PTPRD: variants seen among roughly 807,000 people sequenced by gnomAD.
The protein encoded by PTPRD is receptor-type tyrosine-protein phosphatase delta.
A neutral mutation model predicts 214.5 loss-of-function variants in PTPRD; 34 were observed. The observed-to-expected ratio is 0.16, with a 90% CI of 0.12 to 0.21. PTPRD has a LOEUF of 0.21. PTPRD is among the 10% of genes least tolerant of loss of function. PTPRD has a pLI of 1.00. For synonymous variants in PTPRD, 1,128 were observed against 845.7 expected (o/e 1.33, Z -5.79); for missense variants, 2,545 against 2,398.7 (o/e 1.06, Z -1.27).
At chr9:8,657,898 T>C (rs1414379225) in intron 12 of PTPRD, among the ~76,000 whole-genome samples, 1 of 152,224 alleles carries the variant, frequency 6.6e-6, no homozygotes, top group African/African-American at 2.4e-5. Context: ...AATTATTTCT[T>C]ATAATAATGT....
intron 10 of PTPRD, among the ~76,000 whole-genome samples, chr9:9,055,695 T>G (rs1485868016): frequency 7.9e-5 from 12 of 151,820 alleles, no homozygotes; most frequent in East Asian, 5.8e-4. Flanking sequence ...GAGAAATTTG[T>G]GCATATGTAC....
chr9:10,009,396 G>A (rs1482460289), intron 4 of PTPRD, among the ~76,000 whole-genome samples: 1 of 151,938 alleles, frequency 6.6e-6, no homozygotes, highest in Non-Finnish European at 1.5e-5. Context: ...CACGGGTTCG[G>A]TCCAGAAAGC....
rs556434186 is a variant in PTPRD at position 8,559,026 on chromosome 9, A to G, written c.353-30247T>C. On this transcript the variant is annotated intron_variant, in intron 14 of 45. Coordinates refer to ENST00000381196, the MANE Select transcript of PTPRD (RefSeq NM_002839.4). ...CTGAATGCCTGGCCTACATTTACAT[A>G]GTCTAATAGCTAACTGAAGTTTTAC... 5.3e-5 allele frequency among the ~76,000 whole-genome samples: 8 copies of G among 152,230 alleles called. No individual in the cohort carries two copies. In the South Asian group the frequency reaches 1.4e-3, roughly 28 times the overall value.
chr9:9,313,039 C>T (rs1443927198), intron 9 of PTPRD, among the ~76,000 whole-genome samples: 2 of 152,084 alleles, frequency 1.3e-5, no homozygotes, highest in African/African-American at 4.8e-5. Flanking sequence ...GTATATATAG[C>T]TCACATTTAT....
At chr9:9,204,421 AG>A (rs1388542972) in intron 9 of PTPRD, among the ~76,000 whole-genome samples, 4 of 152,196 alleles carry the variant, frequency 2.6e-5, no homozygotes, top group African/African-American at 9.6e-5. Context: ...AAGGAGACCA[AG>A]TCAGCTAGTT....
intron 33 of PTPRD, chr9:8,454,587 G>A (rs756667417): frequency 2.5e-5 from 40 of 1,612,838 alleles, no homozygotes; most frequent in Non-Finnish European, 3.2e-5. Flanking sequence ...CACCTGTCGG[G>A]TTTACTGCTC....
At chr9:9,200,717 G>T (rs550791855) in intron 9 of PTPRD, among the ~76,000 whole-genome samples, 1 of 152,312 alleles carries the variant, frequency 6.6e-6, no homozygotes, top group South Asian at 2.1e-4. Context: ...GATTCCTTAA[G>T]AGGTATCAAG....
chr9:8,911,961 C>T lies in PTPRD; in HGVS notation c.-104+106736G>A, dbSNP rs191614068. Among the ~76,000 whole-genome samples the T allele has an allele frequency of 3.3e-5, 5 of 152,212 alleles. No homozygotes were observed. In the East Asian group the frequency reaches 9.7e-4, roughly 29 times the overall value. On this transcript the variant is annotated intron_variant, in intron 11 of 45. Coordinates refer to ENST00000381196, the MANE Select transcript of PTPRD (RefSeq NM_002839.4). ...CATTAAAACTGCAATGCGATACAAC[C>T]CTAGTCCCACTAGAATGACTATATT...
chr9:9,899,423 A>G (rs1365456482), intron 5 of PTPRD, among the ~76,000 whole-genome samples: 1 of 152,152 alleles, frequency 6.6e-6, no homozygotes, highest in East Asian at 1.9e-4. Flanking sequence ...TAAGGAAGAC[A>G]TACAAATGGC....
chr9:9,607,002 A>G (rs2094202989), intron 7 of PTPRD, among the ~76,000 whole-genome samples: 1 of 131,386 alleles, frequency 7.6e-6, no homozygotes. Context: ...AAAAAAAAAA[A>G]AAAGTGTTTC....
At chr9:8,520,922 T>TG (rs892565380) in intron 20 of PTPRD, among the ~76,000 whole-genome samples, 1 of 152,120 alleles carries the variant, frequency 6.6e-6, no homozygotes, top group Non-Finnish European at 1.5e-5. Context: ...TGACTTTTCT[T>TG]GGGGTTCTTA....
intron 5 of PTPRD, among the ~76,000 whole-genome samples, chr9:9,842,674 T>G (rs2058620424): frequency 6.6e-6 from 1 of 152,016 alleles, no homozygotes; most frequent in Non-Finnish European, 1.5e-5. Flanking sequence ...AAAGTTGTTT[T>G]TTTTTTTTTT....
intron 2 of PTPRD, among the ~76,000 whole-genome samples, chr9:10,382,056 T>C (rs993179715): frequency 6.6e-6 from 1 of 151,938 alleles, no homozygotes; most frequent in Non-Finnish European, 1.5e-5. Context: ...TCAAATCCAG[T>C]AAGTCGTCTA....
chr9:9,475,980 A>T (rs2095006477), intron 8 of PTPRD, among the ~76,000 whole-genome samples: 1 of 152,222 alleles, frequency 6.6e-6, no homozygotes, highest in African/African-American at 2.4e-5. Context: ...GTAGAACTCC[A>T]CTACATTAAA....
chr9:8,394,987 C>T (rs545549429), intron 36 of PTPRD, among the ~76,000 whole-genome samples: 6 of 152,156 alleles, frequency 3.9e-5, no homozygotes, highest in East Asian at 1.9e-4. Context: ...AGAATCCCAC[C>T]GTGGCTCCAG....
chr9:9,159,492 T>A (rs1311274350), intron 10 of PTPRD, among the ~76,000 whole-genome samples: 1 of 152,058 alleles, frequency 6.6e-6, no homozygotes, highest in African/African-American at 2.4e-5. Context: ...TAGGTGTAAA[T>A]TTAATCATGG....
At chr9:8,938,886 T>A (rs1321194343) in intron 11 of PTPRD, among the ~76,000 whole-genome samples, 3 of 152,148 alleles carry the variant, frequency 2.0e-5, no homozygotes, top group Non-Finnish European at 4.4e-5. Flanking sequence ...CCTCTTCCCT[T>A]CATTGCCATG....
chr9:9,363,370 G>T (rs897629357), intron 9 of PTPRD, among the ~76,000 whole-genome samples: 1 of 151,050 alleles, frequency 6.6e-6, no homozygotes, highest in African/African-American at 2.4e-5. Flanking sequence ...TATACCTGAA[G>T]AACAAAATCT....
At chr9:9,395,944 C>A (rs1452904253) in intron 9 of PTPRD, among the ~76,000 whole-genome samples, 1 of 151,966 alleles carries the variant, frequency 6.6e-6, no homozygotes, top group East Asian at 1.9e-4. Context: ...GAATAGATTG[C>A]AGTATTAGAA....
Sources: gnomAD v4.1 joint callset for allele counts (sites outside exome capture counted in the v4.1 genomes callset) on GRCh38, gnomAD v4.1.1 for gene constraint, MANE v1.5 for transcripts, NCBI Gene and HGNC (gene_info 2026-07-23, HGNC 2026-07-21) for gene names.